The following CACNG4 variants were observed in gnomAD, a reference collection of about 807,000 sequenced individuals.
The protein encoded by CACNG4 is calcium voltage-gated channel auxiliary subunit gamma 4.
A neutral mutation model predicts 22.9 loss-of-function variants in CACNG4; 8 were observed. That is an observed-to-expected ratio of 0.35 (90% CI 0.21 to 0.63). The LOEUF is 0.63. Among genes scored for constraint, CACNG4 ranks in the 30% least tolerant of loss-of-function variants. The pLI, the probability that CACNG4 is intolerant of heterozygous loss-of-function variation, is 0.72. For missense variants in CACNG4, 357 were observed against 455.4 expected (o/e 0.78, Z 1.97); for synonymous variants, 188 against 191.9 (o/e 0.98, Z 0.17).
chr17:67,014,449 C>T (rs1340312289), intron 1 of CACNG4, among the ~76,000 whole-genome samples: 1 of 152,012 alleles, frequency 6.6e-6, no homozygotes, highest in Non-Finnish European at 1.5e-5. Flanking sequence ...CCTAGGAGAC[C>T]GAGTCAACAG....
intron 1 of CACNG4, among the ~76,000 whole-genome samples, chr17:67,014,428 G>GA (rs912553677): frequency 7.9e-5 from 12 of 151,066 alleles, no homozygotes; most frequent in African/African-American, 2.2e-4. Flanking sequence ...CAACTTTTGT[G>GA]AAAAAAAAAT....
intron 3 of CACNG4, among the ~76,000 whole-genome samples, chr17:67,025,549 G>A (rs1286306727): frequency 6.6e-6 from 1 of 152,214 alleles, no homozygotes; most frequent in Non-Finnish European, 1.5e-5. Flanking sequence ...AGTGAGCGGG[G>A]AAGCTCGGCA....
At chr17:66,982,077 CG>C (rs2035278469) in intron 1 of CACNG4, among the ~76,000 whole-genome samples, 1 of 152,102 alleles carries the variant, frequency 6.6e-6, no homozygotes, top group South Asian at 2.1e-4. Flanking sequence ...TGGACGTTTG[CG>C]GTGAGTGTTA....
At chr17:66,996,153 G>C (rs747313204) in intron 1 of CACNG4, among the ~76,000 whole-genome samples, 1 of 152,126 alleles carries the variant, frequency 6.6e-6, no homozygotes, top group Non-Finnish European at 1.5e-5. Flanking sequence ...ATGGGGCACC[G>C]CATGCTCTGC....
In CACNG4 at chr17:66,996,624, G is replaced by A. The variant is rs528058418; in HGVS notation, c.221-21565G>A. 3.9e-5 allele frequency among the ~76,000 whole-genome samples: 6 copies of A among 152,122 alleles called. No homozygotes were observed. In the South Asian group the frequency reaches 1.2e-3, roughly 32 times the overall value. The stretch of plus-strand genomic sequence containing the variant: ...TCAAACTCCTGACCTCAGGTGATCT[G>A]CCTGCCTCGGCCTCCCAAAGTGCTG... On this transcript the variant is annotated intron_variant, in intron 1 of 3. Transcript: ENST00000262138.
chr17:66,973,234 C>G (rs1194065493), intron 1 of CACNG4, among the ~76,000 whole-genome samples: 1 of 108,070 alleles, frequency 9.3e-6, no homozygotes, highest in Non-Finnish European at 2.0e-5. Flanking sequence ...AGCAAGACTC[C>G]ATTAAAAAAA....
At chr17:67,021,110 C>T (rs941566268) in intron 2 of CACNG4, among the ~76,000 whole-genome samples, 10 of 151,658 alleles carry the variant, frequency 6.6e-5, no homozygotes, top group East Asian at 5.8e-4. Context: ...CTAAGGTGGG[C>T]GGATCATTTG....
At chr17:67,029,020 A>G (rs1421610570) in intron 3 of CACNG4, among the ~76,000 whole-genome samples, 2 of 152,244 alleles carry the variant, frequency 1.3e-5, no homozygotes, top group African/African-American at 4.8e-5. Context: ...GAGAAAGGAC[A>G]TTAGTACAAA....
chr17:66,996,172 C>T (rs568773133), intron 1 of CACNG4, among the ~76,000 whole-genome samples: 174 of 152,242 alleles, frequency 1.1e-3, no homozygotes, highest in Middle Eastern at 3.4e-3. Flanking sequence ...GCCAATGCCT[C>T]TCTGCTCCGT....
intron 1 of CACNG4, among the ~76,000 whole-genome samples, chr17:67,015,135 G>A (rs1044787265): frequency 1.3e-5 from 2 of 152,082 alleles, no homozygotes; most frequent in Admixed American, 6.5e-5. Flanking sequence ...GTGTCCCTCC[G>A]TGGGTGAAAG....
At chr17:67,020,983 C>T (rs922744578) in intron 2 of CACNG4, among the ~76,000 whole-genome samples, 1 of 152,192 alleles carries the variant, frequency 6.6e-6, no homozygotes, top group Non-Finnish European at 1.5e-5. Flanking sequence ...GCGTGAAGAT[C>T]GCTTGAGGTT....
intron 1 of CACNG4, among the ~76,000 whole-genome samples, chr17:66,992,856 A>G (rs528698339): frequency 6.6e-6 from 1 of 152,360 alleles, no homozygotes; most frequent in South Asian, 2.1e-4. Context: ...GTCTGCTTAC[A>G]CAAACTTCAG....
chr17:66,995,931 G>A (rs1238779511), intron 1 of CACNG4, among the ~76,000 whole-genome samples: 1 of 152,150 alleles, frequency 6.6e-6, no homozygotes, highest in Non-Finnish European at 1.5e-5. Flanking sequence ...TTGTGAGGGG[G>A]TGATTTTTAC....
chr17:66,966,819 C>T (rs1375537372), intron 1 of CACNG4, among the ~76,000 whole-genome samples: 1 of 152,220 alleles, frequency 6.6e-6, no homozygotes, highest in Non-Finnish European at 1.5e-5. Context: ...TCACACCCTC[C>T]TCTTTTCTTT....
chr17:67,009,666 G>A (rs892103909), intron 1 of CACNG4, among the ~76,000 whole-genome samples: 32 of 152,170 alleles, frequency 2.1e-4, no homozygotes, highest in Middle Eastern at 3.2e-3. Flanking sequence ...TGGAGGCTGC[G>A]AAGTCCAAGA....
In CACNG4 at chr17:67,033,013, A is replaced by G. The variant is rs2035618521; in HGVS notation, c.*2009A>G. On this transcript the variant is annotated 3_prime_UTR_variant, in exon 4 of 4. Coordinates refer to ENST00000262138, the MANE Select transcript of CACNG4 (RefSeq NM_014405.4). ...CATTCCATGGAGAAAGCTGTGTTCC[A>G]ATGAATCCTACCTCTTGCCCAGTCC... The G allele has an allele frequency of 6.6e-6, 1 of 152,604 alleles. No individual in the cohort carries two copies. Among genetic ancestry groups the G allele is most frequent in the Non-Finnish European group, 1.5e-5 (1 of 68,118 alleles). The allele number at this position is 152,604 out of a possible 1,614,324, so 9.5% of individuals were successfully genotyped here. A position where few individuals can be genotyped will look rare whatever the true frequency, so the allele number is the denominator to read the frequency against.
chr17:67,014,421 C>G (rs1178952042), intron 1 of CACNG4, among the ~76,000 whole-genome samples: 2 of 152,014 alleles, frequency 1.3e-5, no homozygotes, highest in African/African-American at 4.8e-5. Context: ...GGTGAGGCAA[C>G]TTTTGTGAAA....
intron 1 of CACNG4, among the ~76,000 whole-genome samples, chr17:66,973,298 G>T (rs542571960): frequency 3.2e-4 from 49 of 152,102 alleles, no homozygotes; most frequent in African/African-American, 1.2e-3. Context: ...CCTATCAATG[G>T]GATGACCTGG....
At position 66,984,295 on chromosome 17, in the gene CACNG4, T is replaced by G. The variant is rs1007024878; in HGVS notation, c.220+19164T>G. Among the ~76,000 whole-genome samples the G allele has an allele frequency of 6.6e-6, 1 of 152,096 alleles. No individual in the cohort carries two copies. Among genetic ancestry groups the G allele is most frequent in the Admixed American group, 6.5e-5 (1 of 15,272 alleles). On this transcript the variant is annotated intron_variant, in intron 1 of 3. Coordinates refer to ENST00000262138, the MANE Select transcript of CACNG4 (RefSeq NM_014405.4). This position sits in a 1 kb window ranked among gnomAD's most constrained non-coding sequence, Gnocchi z 4.0. Reference sequence around the variant, plus strand: ...ACACAGGAGGCTGAGGTGGGAGGATTGCCTGAGCCCTGGAGTTTGAGGCTG... The same window carrying G: ...ACACAGGAGGCTGAGGTGGGAGGATGGCCTGAGCCCTGGAGTTTGAGGCTG...
Sources: allele counts gnomAD v4.1 joint callset (sites outside exome capture counted in the v4.1 genomes callset), GRCh38; gene constraint gnomAD v4.1.1; non-coding constraint Gnocchi (gnomAD v3.1); transcripts MANE v1.5; gene names NCBI Gene and HGNC (gene_info 2026-07-23, HGNC 2026-07-21).